Variants in TPM1 observed in about 807,000 individuals in gnomAD.
The protein encoded by TPM1 is tropomyosin alpha-1 chain.
TPM1 carries 24 observed loss-of-function variants against 42.9 expected under a neutral mutation model. The ratio of observed to expected loss-of-function variants is 0.56; its 90% CI spans 0.41 to 0.79. The LOEUF is 0.79. TPM1 is among the 30% of genes least tolerant of loss of function. The probability of loss-of-function intolerance (pLI) is 0.00; values close to 1 mark genes in which losing one functional copy is unlikely to be tolerated. For synonymous variants in TPM1, 136 were observed against 130.1 expected (o/e 1.05, Z -0.31); for missense variants, 158 against 351.8 (o/e 0.45, Z 4.41).
intron 1 of TPM1, chr15:63,043,406 C>A: frequency 1.6e-6 from 1 of 617,928 alleles, no homozygotes; most frequent in Non-Finnish European, 3.0e-6. Context: ...AAAGATGGGG[C>A]GGAATGGAGG....
downstream of TPM1, among the ~76,000 whole-genome samples, chr15:63,067,892 G>C (rs898232339): frequency 6.6e-6 from 1 of 152,182 alleles, no homozygotes; most frequent in African/African-American, 2.4e-5. Flanking sequence ...AGCATGTCTT[G>C]TCCCTGCCTT....
chr15:63,067,912 C>A (rs535316255), downstream of TPM1, among the ~76,000 whole-genome samples: 1 of 152,304 alleles, frequency 6.6e-6, no homozygotes, highest in South Asian at 2.1e-4. Flanking sequence ...TTGGGCCACC[C>A]ATGCACACCA....
chr15:63,059,769 A>G, intron 4 of TPM1, 89 bp downstream of exon 4: 1 of 914,804 alleles, frequency 1.1e-6, no homozygotes, highest in East Asian at 2.8e-5. Context: ...TTCCCGAGTG[A>G]GGCCATCTGC....
intron 2 of TPM1, chr15:63,056,654 G>A (rs967339994): frequency 2.0e-5 from 7 of 345,820 alleles, no homozygotes; most frequent in Non-Finnish European, 2.8e-5. Flanking sequence ...GTGATAGAGC[G>A]AGACCCTGTC....
At chr15:63,055,607 C>A (rs1596353607) in intron 2 of TPM1, 3 of 152,188 alleles carry the variant, frequency 2.0e-5, no homozygotes, top group Non-Finnish European at 4.4e-5. Context: ...GCTTACAGTT[C>A]AATGACAAAG....
At chr15:63,043,537 G>A in intron 1 of TPM1, 1 of 1,110,864 alleles carries the variant, frequency 9.0e-7, no homozygotes, top group Non-Finnish European at 1.3e-6. Flanking sequence ...GGGGTGAGCC[G>A]CGGAGCGGTT....
chr15:63,063,309 T>G (rs2035897322), intron 8 of TPM1: 1 of 985,320 alleles, frequency 1.0e-6, no homozygotes, highest in Admixed American at 6.1e-5. Context: ...GAACTAGTGT[T>G]TGGTGCAGAT....
intron 2 of TPM1, chr15:63,048,468 CGG>C: frequency 7.2e-7 from 1 of 1,390,032 alleles, no homozygotes; most frequent in South Asian, 1.6e-5. Flanking sequence ...GAGGCCTGGG[CGG>C]GGCGGACCGG....
intron 2 of TPM1, among the ~76,000 whole-genome samples, chr15:63,051,349 G>A (rs2033816200): frequency 7.2e-6 from 1 of 139,162 alleles, no homozygotes; most frequent in Non-Finnish European, 1.5e-5. Flanking sequence ...TCCCAGAGTG[G>A]CTGTTAACTG....
At chr15:63,052,063 T>G (rs1416497658) in intron 2 of TPM1, among the ~76,000 whole-genome samples, 2 of 152,106 alleles carry the variant, frequency 1.3e-5, no homozygotes, top group Non-Finnish European at 2.9e-5. Flanking sequence ...CACCAGGAAG[T>G]TACTTAAAAA....
chr15:63,070,959 T>C, downstream of TPM1: 1 of 1,519,812 alleles, frequency 6.6e-7, no homozygotes, highest in Non-Finnish European at 8.8e-7. Context: ...ATGAGTAATG[T>C]CTTACAAGCA....
At chr15:63,067,046 T>C (rs930093995), downstream of TPM1, among the ~76,000 whole-genome samples, 14 of 152,222 alleles carry the variant, frequency 9.2e-5, no homozygotes, top group African/African-American at 2.9e-4. Context: ...ATATGGACTT[T>C]AGTGTTATAA....
chr15:63,065,295 G>T (rs934980580), intron 9 of TPM1: 2 of 989,020 alleles, frequency 2.0e-6, no homozygotes, highest in Middle Eastern at 5.2e-4. Flanking sequence ...ATGTTTCAGA[G>T]TTCTTCATTC....
At chr15:63,065,653 T>A (rs28583444) in intron 9 of TPM1, 1 of 983,728 alleles carries the variant, frequency 1.0e-6, no homozygotes, top group African/African-American at 1.7e-5. Flanking sequence ...CTTAAAATTT[T>A]TTTTGTTTTT....
chr15:63,071,828 T>C (rs2036617400), exon 9 of TPM1: 1 of 153,972 alleles, frequency 6.5e-6, no homozygotes, highest in South Asian at 2.0e-4. Context: ...ATACAACTGG[T>C]AAAGGACGTT....
At chr15:63,066,421 A>C (rs1477445434), downstream of TPM1, among the ~76,000 whole-genome samples, 2 of 152,054 alleles carry the variant, frequency 1.3e-5, no homozygotes, top group East Asian at 3.9e-4. Flanking sequence ...TTGCTTGTTG[A>C]GAGTTGAAAG....
chr15:63,061,446 A>C (rs1411607485), intron 5 of TPM1: 2 of 785,724 alleles, frequency 2.5e-6, no homozygotes, highest in Non-Finnish European at 4.3e-6. Flanking sequence ...TTTTCCCTTC[A>C]TAAATGCTCT....
chr15:63,049,067 C>T (rs2033254349), intron 2 of TPM1: 4 of 288,248 alleles, frequency 1.4e-5, no homozygotes, highest in African/African-American at 9.4e-5. Context: ...TTGCTTTACT[C>T]TGAGAGTGGA....
At chr15:63,065,296 TTC>T in intron 9 of TPM1, 1 of 988,868 alleles carries the variant, frequency 1.0e-6, no homozygotes, top group Non-Finnish European at 1.2e-6. Flanking sequence ...TGTTTCAGAG[TTC>T]TTCATTCTAA....
Sources: gnomAD v4.1 joint callset for allele counts (sites outside exome capture counted in the v4.1 genomes callset) on GRCh38, gnomAD v4.1.1 for gene constraint, MANE v1.5 for transcripts, NCBI Gene and HGNC (gene_info 2026-07-23, HGNC 2026-07-21) for gene names.